The following MANBA variants were observed in gnomAD, a reference collection of about 807,000 sequenced individuals.
MANBA encodes the protein mannosidase beta.
In MANBA, 83 loss-of-function variants were observed where a neutral mutation model predicts 111.1. The observed-to-expected ratio is 0.75, with a 90% CI of 0.63 to 0.90. The LOEUF (loss-of-function observed/expected upper bound fraction) is 0.90. Ranked by LOEUF, MANBA falls within the 40% of genes least tolerant of loss-of-function variation. The pLI is 0.00. For missense variants in MANBA, 1,036 were observed against 1,069.0 expected (o/e 0.97, Z 0.43); for synonymous variants, 370 against 378.7 (o/e 0.98, Z 0.27).
Position 102,722,867 on chromosome 4 carries a change from T to A in MANBA, c.549+4A>T, listed in dbSNP as rs770688832. The A allele has an allele frequency of 1.2e-6, 2 of 1,613,838 alleles. No homozygotes were observed. The highest frequency in any genetic ancestry group is 1.7e-6 in the Non-Finnish European group (2 of 1,179,848). On this transcript the variant is annotated splice_donor_region_variant and intron_variant, in intron 4 of 16. Transcript: ENST00000647097. Reference sequence around the variant, plus strand: ...AAAACCCGACCTGTTTGAGAGACCATTACCTTCCGAACAAAGTTGACATGG... The same window carrying A: ...AAAACCCGACCTGTTTGAGAGACCAATACCTTCCGAACAAAGTTGACATGG...
At chr4:102,651,840 C>T (rs1214037958) in intron 12 of MANBA, among the ~76,000 whole-genome samples, 1 of 152,186 alleles carries the variant, frequency 6.6e-6, no homozygotes, top group Non-Finnish European at 1.5e-5. Context: ...CTAACTACTC[C>T]TATTATGTAT....
At position 102,673,931 on chromosome 4, in the gene MANBA, A is replaced by T. The variant is rs139767470; in HGVS notation, c.1100T>A (p.Val367Glu). Residue 367 changes from valine to glutamate, a missense_variant, in exon 8 of 17, where the codon GTA becomes GAA. Val to Glu is a moderately radical substitution (Grantham distance 121). Transcript: ENST00000647097. The stretch of plus-strand genomic sequence containing the variant: ...GACAATAACTTACAACTCAGAGGTT[A>T]CTCGGTCCTGGAATGAATCTGCTGG... ...WIPADSFQDR[V>E]TSELLRLLLQ... is the part of the protein sequence containing the mutation. 6.2e-7 allele frequency: 1 copy of T among 1,610,624 alleles called. No individual in the cohort carries two copies. Among genetic ancestry groups the T allele is most frequent in the African/African-American group, 1.3e-5 (1 of 74,974 alleles).
intron 13 of MANBA, among the ~76,000 whole-genome samples, chr4:102,647,135 A>G (rs1331543727): frequency 6.6e-6 from 1 of 151,536 alleles, no homozygotes; most frequent in Non-Finnish European, 1.5e-5. Context: ...CAAAGTAACA[A>G]GGAAAAACCC....
chr4:102,664,617 C>T lies in MANBA; in HGVS notation c.1485+68G>A, dbSNP rs540352652. On this transcript the variant is annotated intron_variant, in intron 11 of 16. Coordinates refer to ENST00000647097, the MANE Select transcript of MANBA (RefSeq NM_005908.4). Reference sequence around the variant, plus strand: ...CCTCCCAAAGTGCTGGGATTACAGGCGTGAGCCACCACGCCCAGCCCTAAA... The same window carrying T: ...CCTCCCAAAGTGCTGGGATTACAGGTGTGAGCCACCACGCCCAGCCCTAAA... 1.1e-4 allele frequency: 157 copies of T among 1,403,770 alleles called. 1 individual carries two copies. Among genetic ancestry groups the T allele is most frequent in the Middle Eastern group, 3.6e-4 (2 of 5,578 alleles). The allele number at this position is 1,403,770 out of a possible 1,614,324, so 87.0% of individuals were successfully genotyped here. A position where few individuals can be genotyped will look rare whatever the true frequency, so the allele number is the denominator to read the frequency against.
chr4:102,742,678 G>A (rs915856134), intron 1 of MANBA, among the ~76,000 whole-genome samples: 2 of 152,210 alleles, frequency 1.3e-5, no homozygotes, highest in Non-Finnish European at 2.9e-5. Flanking sequence ...GGATTACCAT[G>A]ATGGTGGATA....
chr4:102,705,083 A>G (rs181595792), intron 5 of MANBA, among the ~76,000 whole-genome samples: 1 of 152,312 alleles, frequency 6.6e-6, no homozygotes, highest in East Asian at 1.9e-4. Flanking sequence ...AGTGACAGAA[A>G]ACACCTAAGG....
At chr4:102,728,044 T>A (rs1722877220) in intron 1 of MANBA, 1 of 498,850 alleles carries the variant, frequency 2.0e-6, no homozygotes, top group African/African-American at 2.0e-5. Context: ...CAGGTAGGGC[T>A]TTTGCAGGGG....
intron 13 of MANBA, among the ~76,000 whole-genome samples, chr4:102,642,867 A>G (rs1729942916): frequency 6.6e-6 from 1 of 152,216 alleles, no homozygotes; most frequent in Admixed American, 6.5e-5. Context: ...TTGAGTAGCC[A>G]TGTGACTAAG....
chr4:102,728,345 ACT>A, intron 1 of MANBA: 2 of 532,408 alleles, frequency 3.8e-6, no homozygotes, highest in Non-Finnish European at 7.6e-6. Context: ...GATTCTGTTC[ACT>A]CTCTGCAGGC....
chr4:102,722,828 C>A, intron 4 of MANBA, 43 bp downstream of exon 4: 2 of 1,584,812 alleles, frequency 1.3e-6, no homozygotes, highest in Non-Finnish European at 1.7e-6. Flanking sequence ...CCAGCACACC[C>A]CGTCCTCAAA....
In MANBA at chr4:102,639,801, G is replaced by A. The variant is rs375904519; in HGVS notation, c.1926C>T (p.Ser642=). Reference sequence around the variant, plus strand: ...TGTGCCCTTGCTGATCCACTATCTCGCTGCGACTACGGCGGTAGAATTCAG... The same window carrying A: ...TGTGCCCTTGCTGATCCACTATCTCACTGCGACTACGGCGGTAGAATTCAG... The part of the protein sequence containing the change: ...TETEFYRRSR[S]EIVDQQGHTM... The change falls in exon 14 of 17, where the codon AGC becomes AGT. Residue 642 remains serine, a synonymous_variant. Transcript: ENST00000647097. The A allele has an allele frequency of 9.9e-6, 16 of 1,613,898 alleles. No individual in the cohort carries two copies. The African/African-American group carries it at 1.3e-4, about 13-fold the overall frequency.
At chr4:102,720,465 C>A (rs1308867546) in intron 4 of MANBA, among the ~76,000 whole-genome samples, 1 of 150,052 alleles carries the variant, frequency 6.7e-6, no homozygotes, top group East Asian at 1.9e-4. Context: ...ATTAGCCGGG[C>A]ATGGTGGCAG....
chr4:102,694,269 C>T (rs1038986978), intron 5 of MANBA, among the ~76,000 whole-genome samples: 2 of 152,102 alleles, frequency 1.3e-5, no homozygotes, highest in Non-Finnish European at 2.9e-5. Context: ...AAGTTATCAC[C>T]AGATATACTT....
intron 13 of MANBA, among the ~76,000 whole-genome samples, chr4:102,645,016 T>A (rs1409057605): frequency 1.3e-5 from 2 of 152,080 alleles, no homozygotes; most frequent in Non-Finnish European, 2.9e-5. Flanking sequence ...CTTTTGTCAT[T>A]ACCACACTGT....
intron 5 of MANBA, among the ~76,000 whole-genome samples, chr4:102,693,158 G>T (rs1426526540): frequency 6.6e-6 from 1 of 152,184 alleles, no homozygotes; most frequent in Non-Finnish European, 1.5e-5. Flanking sequence ...CTTACCGATA[G>T]CCTCCAGGTT....
intron 14 of MANBA, among the ~76,000 whole-genome samples, chr4:102,637,002 G>A (rs774884771): frequency 1.5e-4 from 23 of 152,040 alleles, no homozygotes; most frequent in Non-Finnish European, 2.4e-4. Flanking sequence ...TAAGTCTCAC[G>A]AGATCTGATC....
chr4:102,640,712 A>C (rs1729843248), intron 13 of MANBA, among the ~76,000 whole-genome samples: 1 of 152,176 alleles, frequency 6.6e-6, no homozygotes, highest in Non-Finnish European at 1.5e-5. Flanking sequence ...AGAGGAATAA[A>C]AAGAATGGTG....
intron 7 of MANBA, among the ~76,000 whole-genome samples, chr4:102,677,324 A>G (rs574266003): frequency 6.6e-6 from 1 of 152,346 alleles, no homozygotes; most frequent in East Asian, 1.9e-4. Context: ...GAAAACTTGT[A>G]TCTACTACCT....
chr4:102,703,901 C>T (rs564159724), intron 5 of MANBA, among the ~76,000 whole-genome samples: 1 of 152,202 alleles, frequency 6.6e-6, no homozygotes, highest in South Asian at 2.1e-4. Context: ...CAAGACCATC[C>T]CCACTAACAC....
Sources: gnomAD v4.1 joint callset for allele counts (sites outside exome capture counted in the v4.1 genomes callset) on GRCh38, gnomAD v4.1.1 for gene constraint, MANE v1.5 for transcripts, NCBI Gene and HGNC (gene_info 2026-07-23, HGNC 2026-07-21) for gene names.